SHROOM4: variants seen among roughly 807,000 people sequenced by gnomAD.
The protein encoded by SHROOM4 is shroom family member 4.
Under a neutral mutation model 80.3 loss-of-function variants are expected in SHROOM4, and 17 were observed. That is an observed-to-expected ratio of 0.21 (90% CI 0.14 to 0.32). SHROOM4 has a LOEUF of 0.32. Among genes scored for constraint, SHROOM4 ranks in the 10% least tolerant of loss-of-function variants. The probability of loss-of-function intolerance (pLI) is 1.00; values close to 1 mark genes in which losing one functional copy is unlikely to be tolerated. For synonymous variants in SHROOM4, 400 were observed against 437.5 expected (o/e 0.91, Z 1.07); for missense variants, 993 against 1,140.3 (o/e 0.87, Z 1.86).
chrX:50,639,431 T>C (rs1931500248), intron 2 of SHROOM4, among the ~76,000 whole-genome samples: 1 of 110,561 alleles, frequency 9.0e-6, no homozygotes, highest in South Asian at 3.9e-4. Context: ...GAGAAATATA[T>C]AGTAGAGAGA....
At chrX:50,762,345 ATC>A (rs1458738851) in intron 1 of SHROOM4, among the ~76,000 whole-genome samples, 1 of 112,014 alleles carries the variant, frequency 8.9e-6, no homozygotes, top group African/African-American at 3.2e-5. Flanking sequence ...ATTGTTAAGT[ATC>A]TCTCTATATG....
the SHROOM4 span, among the ~76,000 whole-genome samples, chrX:50,578,847 T>A: frequency 9.0e-6 from 1 of 111,328 alleles, no homozygotes; most frequent in African/African-American, 3.3e-5. Flanking sequence ...TTGGAGGAGG[T>A]CTTCAAATTA....
chrX:50,581,542 T>A, the SHROOM4 span, among the ~76,000 whole-genome samples: 1 of 111,696 alleles, frequency 9.0e-6, no homozygotes, highest in Non-Finnish European at 1.9e-5. Context: ...AGCCCTGACT[T>A]GCTGGCCCTA....
chrX:50,649,726 A>G (rs782427187), intron 2 of SHROOM4: 2 of 112,489 alleles, frequency 1.8e-5, no homozygotes, highest in East Asian at 5.6e-4. Flanking sequence ...AATTTGTGAA[A>G]TGCTCTGTAT....
rs1936409771 is a variant in SHROOM4 at position 50,814,109 on chromosome X, C to G, written c.-91G>C. On this transcript the variant is annotated 5_prime_UTR_variant, in exon 1 of 9. Transcript: ENST00000376020. ...CAGCTCCGCCACCATCGCCCTCCAGCTCTACGCCACCCCGCACCGCCCTGC... is the reference window on the plus strand; with the variant it reads ...CAGCTCCGCCACCATCGCCCTCCAGGTCTACGCCACCCCGCACCGCCCTGC... 1 of 602,339 alleles carries G rather than the reference C, an allele frequency of 1.7e-6. No homozygotes were observed. The highest frequency in any genetic ancestry group is 2.8e-6 in the Non-Finnish European group (1 of 359,554). 49.6% of individuals were successfully genotyped at this position (602,339 alleles called of 1,213,427 possible).
chrX:50,642,132 G>A (rs1482747494), intron 2 of SHROOM4, among the ~76,000 whole-genome samples: 2 of 112,428 alleles, frequency 1.8e-5, no homozygotes, highest in Admixed American at 9.3e-5. Flanking sequence ...TTATTAGCTC[G>A]GAATAGCCCT....
intron 1 of SHROOM4, among the ~76,000 whole-genome samples, chrX:50,733,891 AT>A (rs377241982): frequency 3.6e-5 from 4 of 111,843 alleles, no homozygotes; most frequent in African/African-American, 1.3e-4. Context: ...TCCACTAAAA[AT>A]CTACTAAAAT....
chrX:50,794,575 C>CA (rs1935919708), intron 1 of SHROOM4, among the ~76,000 whole-genome samples: 1 of 108,732 alleles, frequency 9.2e-6, no homozygotes, highest in Non-Finnish European at 1.9e-5. Context: ...GCTTTGCACT[C>CA]AAAAAACTGT....
At chrX:50,767,829 G>C (rs1364314642) in intron 1 of SHROOM4, among the ~76,000 whole-genome samples, 1 of 111,888 alleles carries the variant, frequency 8.9e-6, no homozygotes, top group Non-Finnish European at 1.9e-5. Flanking sequence ...GATCAAGAAA[G>C]ATAGCCTTAA....
At chrX:50,808,432 A>G (rs1936270746) in intron 1 of SHROOM4, among the ~76,000 whole-genome samples, 1 of 111,520 alleles carries the variant, frequency 9.0e-6, no homozygotes, top group African/African-American at 3.3e-5. Flanking sequence ...GACTTCTAAA[A>G]GGCTCTCTTT....
At chrX:50,615,478 T>TCCTAGCAC (rs1930197986) in intron 5 of SHROOM4, among the ~76,000 whole-genome samples, 1 of 111,544 alleles carries the variant, frequency 9.0e-6, no homozygotes, top group Non-Finnish European at 1.9e-5. Flanking sequence ...CCATTAATTT[T>TCCTAGCAC]CCTAGCACAC....
rs148834534 is a variant in SHROOM4 at position 50,626,541 on chromosome X, A to G, written c.2957+1073T>C. On this transcript the variant is annotated intron_variant, in intron 5 of 8. Transcript: ENST00000376020. ...TCCCAGGACCAGCTGCATCAGCATC[A>G]CCCAGATGCTGTTTGAGCCTGTTCG... Among the ~76,000 whole-genome samples, 475 of 111,419 alleles carry G rather than the reference A, an allele frequency of 4.3e-3. 5 individuals are homozygous for G. Among genetic ancestry groups the G allele is most frequent in the African/African-American group, 0.015 (450 of 30,652 alleles).
chrX:50,637,518 G>C (rs1347864114), intron 3 of SHROOM4, among the ~76,000 whole-genome samples: 2 of 112,936 alleles, frequency 1.8e-5, no homozygotes, highest in Middle Eastern at 4.6e-3. Flanking sequence ...AAAACTGCCT[G>C]TGCCCTGAGC....
intron 5 of SHROOM4, among the ~76,000 whole-genome samples, chrX:50,612,075 C>T (rs12837484): frequency 0.31 from 34,133 of 109,049 alleles, 4,025 homozygotes; most frequent in South Asian, 0.42. Context: ...ATAAAACTAA[C>T]GGCAGAAATT....
chrX:50,709,344 G>A (rs910405741), intron 1 of SHROOM4, among the ~76,000 whole-genome samples: 1 of 112,049 alleles, frequency 8.9e-6, no homozygotes, highest in Non-Finnish European at 1.9e-5. Flanking sequence ...AATATTTTCT[G>A]AACCCAAAAG....
chrX:50,655,624 T>G (rs1557259386), intron 2 of SHROOM4, among the ~76,000 whole-genome samples: 4 of 108,645 alleles, frequency 3.7e-5, no homozygotes. Flanking sequence ...AAAGAATAAA[T>G]TCATTCTTTA....
chrX:50,716,799 A>G (rs1557264889), intron 1 of SHROOM4, among the ~76,000 whole-genome samples: 1 of 112,401 alleles, frequency 8.9e-6, no homozygotes. Context: ...CTTACTTGTT[A>G]GGTTCCTCTC....
chrX:50,710,897 T>C (rs1371842628), intron 1 of SHROOM4, among the ~76,000 whole-genome samples: 1 of 110,885 alleles, frequency 9.0e-6, no homozygotes, highest in Non-Finnish European at 1.9e-5. Flanking sequence ...GAGTATTCTG[T>C]GACTGTTTTC....
chrX:50,610,411 A>G (rs1929917979), intron 5 of SHROOM4, among the ~76,000 whole-genome samples: 1 of 110,002 alleles, frequency 9.1e-6, no homozygotes, highest in Non-Finnish European at 1.9e-5. Flanking sequence ...AAGTAAAAAA[A>G]TGACAAACGT....
Sources: gnomAD v4.1 joint callset for allele counts (sites outside exome capture counted in the v4.1 genomes callset) on GRCh38, gnomAD v4.1.1 for gene constraint, MANE v1.5 for transcripts, NCBI Gene and HGNC (gene_info 2026-07-23, HGNC 2026-07-21) for gene names.